The following KLK7 variants were observed in gnomAD, a reference collection of about 807,000 sequenced individuals.
The protein encoded by KLK7 is kallikrein related peptidase 7, also known as kallikrein-7.
Under a neutral mutation model 21.0 loss-of-function variants are expected in KLK7, and 17 were observed. The observed-to-expected ratio is 0.81, with a 90% CI of 0.55 to 1.21. The LOEUF (loss-of-function observed/expected upper bound fraction) is 1.21, where lower values mean the gene tolerates loss of function less well. Among genes scored for constraint, KLK7 ranks in the 50% most tolerant of loss-of-function variants. KLK7 has a pLI of 0.00. For synonymous variants in KLK7, 151 were observed against 134.6 expected (o/e 1.12, Z -0.85); for missense variants, 330 against 322.8 (o/e 1.02, Z -0.17).
intron 5 of KLK7, among the ~76,000 whole-genome samples, chr19:50,978,748 A>T (rs1334031184): frequency 6.9e-6 from 1 of 145,784 alleles, no homozygotes; most frequent in Non-Finnish European, 1.5e-5. Flanking sequence ...GGAGAGAGAT[A>T]GAAGAAAGAG....
At chr19:50,983,224 C>A (rs565782584) in intron 1 of KLK7, among the ~76,000 whole-genome samples, 1 of 111,590 alleles carries the variant, frequency 9.0e-6, no homozygotes, top group Non-Finnish European at 1.8e-5. Context: ...AGCCCCTCCT[C>A]CCTCAGACCC....
chr19:50,978,010 A>G (rs144905144), intron 5 of KLK7, among the ~76,000 whole-genome samples: 1 of 152,238 alleles, frequency 6.6e-6, no homozygotes, highest in Non-Finnish European at 1.5e-5. Context: ...CATCATCTCC[A>G]AGGGGTGGAT....
At chr19:50,983,828 C>A in intron 1 of KLK7, 23 bp downstream of exon 1, 1 of 1,289,372 alleles carries the variant, frequency 7.8e-7, no homozygotes, top group Non-Finnish European at 1.0e-6. Flanking sequence ...TACAGGTGCA[C>A]CCTTGATGAA....
intron 3 of KLK7, among the ~76,000 whole-genome samples, chr19:50,981,558 G>T (rs1174067902): frequency 6.8e-6 from 1 of 147,738 alleles, no homozygotes; most frequent in Non-Finnish European, 1.5e-5. Flanking sequence ...CAGAGAGAGG[G>T]GGACAGAGAC....
chr19:50,984,029 C>T (rs1271391504), upstream of KLK7: 3 of 773,110 alleles, frequency 3.9e-6, no homozygotes, highest in Admixed American at 7.6e-5. Flanking sequence ...ATTTGCGGTT[C>T]TGGTTATCTG....
chr19:50,978,740 A>C (rs1439803409), intron 5 of KLK7, among the ~76,000 whole-genome samples: 1 of 146,818 alleles, frequency 6.8e-6, no homozygotes, highest in African/African-American at 2.5e-5. Context: ...CAGGGAGAGG[A>C]GAGAGATAGA....
rs1173696178 is a variant in KLK7, at chr19:50,980,318, C to T, written c.391G>A (p.Val131Ile). 1 of 1,614,052 alleles carries T rather than the reference C, an allele frequency of 6.2e-7. No homozygotes were observed. The highest frequency in any genetic ancestry group is 8.5e-7 in the Non-Finnish European group (1 of 1,179,980). Residue 131 changes from valine to isoleucine, a missense_variant, in exon 4 of 6, where the codon GTC becomes ATC. By Grantham distance (29) the Val-to-Ile change is conservative. Transcript: ENST00000595820. ...GGTTCGCAGCGGGAGGGCAGCCTGACTTTCTTCACCATGGATGACAGCCTG... is the reference window on the plus strand; with the variant it reads ...GGTTCGCAGCGGGAGGGCAGCCTGATTTTCTTCACCATGGATGACAGCCTG... ...QARLSSMVKK[V>I]RLPSRCEPPG... is the part of the protein sequence containing the mutation.
chr19:50,977,147 T>C lies in KLK7; in HGVS notation c.*389A>G, dbSNP rs937458724. 1.4e-4 allele frequency: 23 copies of C among 166,768 alleles called. No homozygotes were observed. The highest frequency in any genetic ancestry group is 5.0e-4 in the African/African-American group (21 of 41,928). 10.3% of individuals were successfully genotyped at this position (166,768 alleles called of 1,614,324 possible). Reference sequence around the variant, plus strand: ...TTCATTTCTGTGATAAATAATATCATGGTAAATTCAAGTCTTGTTCTACAT... The same window carrying C: ...TTCATTTCTGTGATAAATAATATCACGGTAAATTCAAGTCTTGTTCTACAT... On this transcript the variant is annotated 3_prime_UTR_variant, in exon 6 of 6. Transcript: ENST00000595820.
At chr19:50,980,091 G>A in intron 4 of KLK7, 149 bp downstream of exon 4, 1 of 1,185,800 alleles carries the variant, frequency 8.4e-7, no homozygotes, top group Non-Finnish European at 1.2e-6. Flanking sequence ...GAGGGAGGAG[G>A]GGCTGGGGGC....
At chr19:50,982,163 C>A (rs572773093) in intron 2 of KLK7, 164 bp downstream of exon 2, 6 of 978,806 alleles carry the variant, frequency 6.1e-6, no homozygotes, top group Middle Eastern at 3.1e-4. Flanking sequence ...GGGACAGAGA[C>A]CCCCTGAGTC....
chr19:50,978,039 G>C (rs1053561153), intron 5 of KLK7, among the ~76,000 whole-genome samples: 2 of 152,190 alleles, frequency 1.3e-5, no homozygotes, highest in Non-Finnish European at 2.9e-5. Context: ...TGTGGCGCAG[G>C]AAAGGGGGAC....
Position 50,981,835 on chromosome 19 carries a change from A to G in KLK7, c.153T>C (p.Asn51=). Residue 51 remains asparagine, a synonymous_variant, in exon 3 of 6, where the codon AAT becomes AAC. Transcript: ENST00000595820. ...HPWQVALLSG[N]QLHCGGVLVN... Reference sequence around the variant, plus strand: ...CCAGGACGCCTCCGCAGTGGAGCTGATTGCCACTGAGCAGGGCCACCTGCC... The same window carrying G: ...CCAGGACGCCTCCGCAGTGGAGCTGGTTGCCACTGAGCAGGGCCACCTGCC... 1 of 1,609,356 alleles carries G rather than the reference A, an allele frequency of 6.2e-7. No homozygotes were observed. Among genetic ancestry groups the G allele is most frequent in the Non-Finnish European group, 8.5e-7 (1 of 1,178,528 alleles).
Position 50,982,307 on chromosome 19 carries a change from C to T in KLK7, c.73+20G>A. 2 of 1,606,364 alleles carry T rather than the reference C, an allele frequency of 1.2e-6. No homozygotes were observed. Among genetic ancestry groups the T allele is most frequent in the Non-Finnish European group, 8.5e-7 (1 of 1,176,546 alleles). On this transcript the variant is annotated intron_variant, in intron 2 of 5. Coordinates refer to ENST00000595820, the MANE Select transcript of KLK7 (RefSeq NM_005046.4). ...GTGGGGGCCCTGAGGTGAGGTCAGACTTCCCAGTCCAGCTTTCACCTTCTT... is the reference window on the plus strand; with the variant it reads ...GTGGGGGCCCTGAGGTGAGGTCAGATTTCCCAGTCCAGCTTTCACCTTCTT...
chr19:50,980,966 GGA>G (rs2091076740), intron 3 of KLK7, among the ~76,000 whole-genome samples: 3 of 145,972 alleles, frequency 2.1e-5, no homozygotes, highest in East Asian at 2.2e-4. Flanking sequence ...CCCAGAGAGA[GGA>G]AGACAGAGAG....
intron 2 of KLK7, 111 bp from the exon 3 acceptor site, chr19:50,982,025 G>A (rs1260693214): frequency 4.1e-6 from 5 of 1,206,948 alleles, no homozygotes; most frequent in Non-Finnish European, 5.8e-6. Flanking sequence ...GAAAATGTGT[G>A]GAGAAATACA....
chr19:50,983,696 T>C, intron 1 of KLK7, 155 bp downstream of exon 1: 1 of 1,100,886 alleles, frequency 9.1e-7, no homozygotes. Context: ...TAGTTCGTTT[T>C]TCCCTAAAAG....
intron 3 of KLK7, among the ~76,000 whole-genome samples, chr19:50,981,346 A>C (rs1455729150): frequency 7.8e-6 from 1 of 127,452 alleles, no homozygotes. Context: ...TCCAGAGAGA[A>C]AGGCAGACAG....
At position 50,977,634 on chromosome 19, in the gene KLK7, C is replaced by G; in HGVS notation, c.664G>C (p.Gly222Arg). Residue 222 changes from glycine (G) to arginine (R), a missense_variant, in exon 6 of 6, where the codon GGA becomes CGA. Physicochemically the swap from Gly to Arg is moderately radical, Grantham distance 125 (BLOSUM62 -2). Coordinates refer to ENST00000595820, the MANE Select transcript of KLK7 (RefSeq NM_005046.4). ...RGTLQGLVSW[G>R]TFPCGQPNDP... is the part of the protein sequence containing the mutation. ...TTGGGTTGGCCGCAAGGGAAAGTTC[C>G]CCAGGACACCAGACCTTGCAGGGTA... is the stretch of plus-strand genomic sequence containing the variant. 6.2e-7 allele frequency: 1 copy of G among 1,613,752 alleles called. No individual in the cohort carries two copies. The highest frequency in any genetic ancestry group is 8.5e-7 in the Non-Finnish European group (1 of 1,179,986).
chr19:50,978,205 G>A (rs1397396333), intron 5 of KLK7, among the ~76,000 whole-genome samples: 2 of 152,150 alleles, frequency 1.3e-5, no homozygotes, highest in Non-Finnish European at 2.9e-5. Context: ...CTGAGTGTGG[G>A]GCTCTGTGTC....
Sources: allele counts gnomAD v4.1 joint callset (sites outside exome capture counted in the v4.1 genomes callset), GRCh38; gene constraint gnomAD v4.1.1; transcripts MANE v1.5; gene names NCBI Gene and HGNC (gene_info 2026-07-23, HGNC 2026-07-21).